MORN1: variants seen among roughly 807,000 people sequenced by gnomAD.
MORN1 encodes the protein MORN repeat-containing protein 1.
A neutral mutation model predicts 61.9 loss-of-function variants in MORN1; 67 were observed. The ratio of observed to expected loss-of-function variants is 1.08; its 90% confidence interval spans 0.89 to 1.33. The LOEUF is 1.33. MORN1 is among the 40% of genes most tolerant of loss of function. MORN1 has a pLI of 0.00. For synonymous variants in MORN1, 301 were observed against 292.0 expected (o/e 1.03, Z -0.31); for missense variants, 752 against 691.2 (o/e 1.09, Z -0.99).
At chr1:2,335,846 C>CCCAGCCCAGCCCG (rs370659459) in intron 12 of MORN1, among the ~76,000 whole-genome samples, 1 of 149,930 alleles carries the variant, frequency 6.7e-6, no homozygotes, top group African/African-American at 2.5e-5. Flanking sequence ...CCCAGCCCAG[C>CCCAGCCCAGCCCG]GCGCAGCTGC....
At chr1:2,325,119 TTCCC>T (rs1640980109) in intron 12 of MORN1, among the ~76,000 whole-genome samples, 1 of 55,630 alleles carries the variant, frequency 1.8e-5, no homozygotes, top group African/African-American at 1.2e-4. Flanking sequence ...CTTCCCTTCC[TTCCC>T]TTCCTTCCTT....
chr1:2,330,120 C>A (rs984456573), intron 12 of MORN1, among the ~76,000 whole-genome samples: 1 of 152,196 alleles, frequency 6.6e-6, no homozygotes, highest in East Asian at 1.9e-4. Context: ...AGCAAGCCAG[C>A]GGCACAGGCC....
At position 2,390,721 on chromosome 1, in the gene MORN1, A is replaced by G. The variant is rs187118486; in HGVS notation, c.77-725T>C. 4.2e-3 allele frequency: 4,154 copies of G among 983,550 alleles called. 10 individuals are homozygous for G. The highest frequency in any genetic ancestry group is 4.4e-3 in the Non-Finnish European group (3,674 of 829,610). The allele number at this position is 983,550 out of a possible 1,614,324, so 60.9% of individuals were successfully genotyped here. On this transcript the variant is annotated intron_variant, in intron 1 of 13. Coordinates refer to ENST00000378531, the MANE Select transcript of MORN1 (RefSeq NM_024848.3). ...AGTTCATTCCAGACCCGTTTATTTG[A>G]TTCTAGAAACAGTTCCTATCAAAAC...
At chr1:2,387,560 G>A in intron 3 of MORN1, 31 bp from the exon 4 acceptor site, 5 of 1,532,792 alleles carry the variant, frequency 3.3e-6, no homozygotes, top group Non-Finnish European at 4.5e-6. Context: ...GGGGAGACAG[G>A]AGGTTCAGTT....
At position 2,337,151 on chromosome 1, in the gene MORN1, A is replaced by G. The variant is rs1641298491; in HGVS notation, c.1037-301T>C. Among the ~76,000 whole-genome samples the G allele has an allele frequency of 6.6e-6, 1 of 152,102 alleles. No homozygotes were observed. Among genetic ancestry groups the G allele is most frequent in the South Asian group, 2.1e-4 (1 of 4,828 alleles). On this transcript the variant is annotated intron_variant, in intron 10 of 13. Transcript: ENST00000378531. This position sits in a 1 kb window ranked among gnomAD's most constrained non-coding sequence, Gnocchi z 5.7. ...TTTGCAGTGGGAAGGGTCTCCCATC[A>G]GCAGCCCCCGTCAGCCGAGGCACTC...
At chr1:2,321,993 C>A (rs180793811) in intron 13 of MORN1, 1 of 976,742 alleles carries the variant, frequency 1.0e-6, no homozygotes, top group African/African-American at 1.8e-5. Context: ...ATAATTCATT[C>A]CCTCCATAAA....
intron 12 of MORN1, 85 bp downstream of exon 12, chr1:2,336,384 G>A: frequency 7.2e-7 from 1 of 1,395,930 alleles, no homozygotes; most frequent in South Asian, 1.3e-5. Flanking sequence ...GGCTCCCCTG[G>A]GCCTTCCCCG....
In MORN1 at chr1:2,372,515, A is replaced by T; in HGVS notation, c.711T>A (p.Val237=). The T allele has an allele frequency of 1.2e-6, 2 of 1,613,702 alleles. No individual in the cohort carries two copies. Among genetic ancestry groups the T allele is most frequent in the Non-Finnish European group, 1.7e-6 (2 of 1,179,892 alleles). ...TTTCCCCGTGGTCCTGCAGCAGCTG[A>T]ACGTTCACCGAGAAGGGAGACCCTT... ...VAQGSPFSVN[V]QLLQDHGEIA... is the part of the protein sequence containing the mutation. Residue 237 remains valine, a synonymous_variant, in exon 8 of 14, where the codon GTT becomes GTA. Transcript: ENST00000378531. The surrounding 1 kb of genome is among the most constrained non-coding windows in gnomAD (Gnocchi z 5.4).
intron 1 of MORN1, among the ~76,000 whole-genome samples, chr1:2,390,247 G>A (rs1557897786): frequency 6.6e-6 from 1 of 152,222 alleles, no homozygotes; most frequent in South Asian, 2.1e-4. Flanking sequence ...CCAGTAAGAG[G>A]AGGGCTGGCT....
intron 6 of MORN1, among the ~76,000 whole-genome samples, chr1:2,381,755 C>T (rs1642375744): frequency 6.6e-6 from 1 of 152,182 alleles, no homozygotes; most frequent in Non-Finnish European, 1.5e-5. Context: ...GCTTGGGGGC[C>T]CGGCTCTCAG....
intron 13 of MORN1, chr1:2,321,959 C>G: frequency 1.0e-6 from 1 of 959,052 alleles, no homozygotes; most frequent in Non-Finnish European, 1.2e-6. Context: ...TTTGCAAATA[C>G]TTTCCTACTT....
At chr1:2,388,965 A>G (rs1026761323) in intron 2 of MORN1, among the ~76,000 whole-genome samples, 2 of 151,766 alleles carry the variant, frequency 1.3e-5, no homozygotes, top group African/African-American at 4.8e-5. Context: ...TACAAAAATT[A>G]GCTGGGCGTG....
rs397949728 is a variant in MORN1, at chr1:2,325,304, CT to C, written c.1251-1162del. Reference sequence around the variant, plus strand: ...CTCTCTCTCCTCTCTCTCTCTCTCTCTTTTTCTCTCCTTTCTTTCTCTAGAT... The same window carrying C: ...CTCTCTCTCCTCTCTCTCTCTCTCTCTTTTCTCTCCTTTCTTTCTCTAGAT... On this transcript the variant is annotated intron_variant, in intron 12 of 13. Coordinates refer to ENST00000378531, the MANE Select transcript of MORN1 (RefSeq NM_024848.3). Among the ~76,000 whole-genome samples, 14 of 146,198 alleles carry C rather than the reference CT, an allele frequency of 9.6e-5. 1 individual carries two copies. The South Asian group carries it at 3.1e-3, about 33-fold the overall frequency.
chr1:2,382,283 T>A (rs1642389678), intron 6 of MORN1, among the ~76,000 whole-genome samples: 1 of 152,114 alleles, frequency 6.6e-6, no homozygotes, highest in African/African-American at 2.4e-5. Flanking sequence ...AACATGAGGA[T>A]TGGGTGAGTG....
intron 8 of MORN1, among the ~76,000 whole-genome samples, chr1:2,363,781 T>C (rs1641942658): frequency 2.0e-5 from 1 of 48,982 alleles, no homozygotes; most frequent in African/African-American, 9.1e-5. Context: ...AAAAATCAGT[T>C]AGAAAAACAA....
At chr1:2,356,597 AC>A (rs1377890019) in intron 10 of MORN1, among the ~76,000 whole-genome samples, 3 of 151,566 alleles carry the variant, frequency 2.0e-5, no homozygotes, top group Admixed American at 1.3e-4. Context: ...CCCACGCCCG[AC>A]CCCCGTTTAC....
chr1:2,339,675 G>A (rs1197076530), intron 10 of MORN1, among the ~76,000 whole-genome samples: 3 of 152,080 alleles, frequency 2.0e-5, no homozygotes, highest in Admixed American at 6.5e-5. Context: ...CGCTGGCACT[G>A]CCCTCAGCTG....
At chr1:2,387,245 G>C (rs867138810) in intron 4 of MORN1, 174 bp downstream of exon 4, 19 of 629,968 alleles carry the variant, frequency 3.0e-5, no homozygotes, top group Middle Eastern at 8.7e-4. Flanking sequence ...GGTGTATGCC[G>C]GGCATAGGAC....
intron 12 of MORN1, 40 bp downstream of exon 12, chr1:2,336,429 G>A: frequency 6.3e-7 from 1 of 1,592,800 alleles, no homozygotes; most frequent in East Asian, 2.2e-5. Context: ...GGCCACAGCT[G>A]ACCCTCCGAA....
Sources: allele counts gnomAD v4.1 joint callset (sites outside exome capture counted in the v4.1 genomes callset), GRCh38; gene constraint gnomAD v4.1.1; non-coding constraint Gnocchi (gnomAD v3.1); transcripts MANE v1.5; gene names NCBI Gene and HGNC (gene_info 2026-07-23, HGNC 2026-07-21).